MIA2: variants seen among roughly 807,000 people sequenced by gnomAD.
MIA2 encodes the protein MIA SH3 domain ER export factor 2, also known as melanoma inhibitory activity protein 2.
In MIA2, 127 loss-of-function variants were observed where a neutral mutation model predicts 167.8. The observed-to-expected ratio is 0.76, with a 90% CI of 0.66 to 0.88. The LOEUF (loss-of-function observed/expected upper bound fraction) is 0.88, where lower values mean the gene tolerates loss of function less well. Among genes scored for constraint, MIA2 ranks in the 40% least tolerant of loss-of-function variants. The probability of loss-of-function intolerance (pLI) is 0.00; values close to 1 mark genes in which losing one functional copy is unlikely to be tolerated. For synonymous variants in MIA2, 552 were observed against 541.9 expected (o/e 1.02, Z -0.26); for missense variants, 1,690 against 1,624.7 (o/e 1.04, Z -0.69).
At chr14:39,352,473 A>G (rs1038125977), downstream of MIA2, among the ~76,000 whole-genome samples, 3 of 152,010 alleles carry the variant, frequency 2.0e-5, no homozygotes, top group Non-Finnish European at 4.4e-5. Context: ...GAAAATCTCA[A>G]TTCCCCTTCT....
rs1417314260 is a variant in MIA2, at chr14:39,252,751, T to C, written c.1571T>C (p.Met524Thr). 1.3e-6 allele frequency: 2 copies of C among 1,599,890 alleles called. No individual in the cohort carries two copies. The highest frequency in any genetic ancestry group is 1.1e-5 in the South Asian group (1 of 89,326). Reference protein sequence around the residue: ...IFKSSYSLSDMVSNIELPTRI... With the variant: ...IFKSSYSLSDTVSNIELPTRI... ...ATTTCTTTTTATTTATTTGTAGATA[T>C]GGTCTCTAACATAGAGTTACCTACG... Residue 524 changes from methionine to threonine, a missense_variant, in exon 5 of 29, where the codon ATG becomes ACG. Transcript: ENST00000640607.
At chr14:39,306,412 G>A (rs911524107) in intron 17 of MIA2, among the ~76,000 whole-genome samples, 12 of 152,168 alleles carry the variant, frequency 7.9e-5, no homozygotes, top group African/African-American at 2.7e-4. Context: ...CATGGTGGGA[G>A]CAGGAGGAAG....
intron 14 of MIA2, among the ~76,000 whole-genome samples, chr14:39,301,051 C>G (rs7151856): frequency 4.0e-3 from 124 of 31,056 alleles, no homozygotes; most frequent in African/African-American, 7.0e-3. Context: ...CACACACACA[C>G]ACACACACAC....
intron 4 of MIA2, among the ~76,000 whole-genome samples, chr14:39,248,556 A>G (rs773647249): frequency 4.2e-4 from 63 of 151,638 alleles, no homozygotes; most frequent in Non-Finnish European, 8.0e-4. Flanking sequence ...TCTTTTTAGT[A>G]TTTAAGAGTT....
chr14:39,366,659 T>A (rs1287236257), intron 23 of MIA2, among the ~76,000 whole-genome samples: 1 of 152,204 alleles, frequency 6.6e-6, no homozygotes, highest in Non-Finnish European at 1.5e-5. Flanking sequence ...CTGTCCTCAG[T>A]CTGTCCTGTG....
chr14:39,239,690 C>T (rs565922323), intron 2 of MIA2, among the ~76,000 whole-genome samples: 10 of 152,250 alleles, frequency 6.6e-5, no homozygotes, highest in South Asian at 6.2e-4. Context: ...ATTTACTATA[C>T]GTGAAAATAA....
intron 9 of MIA2, among the ~76,000 whole-genome samples, chr14:39,279,965 A>G (rs985786261): frequency 6.6e-6 from 1 of 152,188 alleles, no homozygotes; most frequent in African/African-American, 2.4e-5. Flanking sequence ...GAGCTTCAAC[A>G]TGTGAATTTG....
At position 39,319,274 on chromosome 14, in the gene MIA2, A is replaced by G. The variant is rs1025750113; in HGVS notation, c.3350A>G (p.Asn1117Ser). The G allele has an allele frequency of 1.3e-6, 2 of 1,549,020 alleles. No individual in the cohort carries two copies. The highest frequency in any genetic ancestry group is 1.7e-6 in the Non-Finnish European group (2 of 1,145,892). Reference protein sequence around the residue: ...EKDPYALDVPNTAFGREHSPY... With the variant: ...EKDPYALDVPSTAFGREHSPY... Reference sequence around the variant, plus strand: ...GATCCTTATGCACTCGATGTTCCAAATACAGCATTTGGCAGAGGTAGTCTT... The same window carrying G: ...GATCCTTATGCACTCGATGTTCCAAGTACAGCATTTGGCAGAGGTAGTCTT... The change falls in exon 23 of 29, where the codon AAT becomes AGT. Residue 1117 changes from asparagine (N) to serine (S), a missense_variant. Asn to Ser is a conservative substitution (Grantham distance 46). Coordinates refer to ENST00000640607, the MANE Select transcript of MIA2 (RefSeq NM_001329214.4).
At position 39,312,805 on chromosome 14, in the gene MIA2, CTAT is replaced by C. The variant is rs892960100; in HGVS notation, c.3018-523_3018-521del. Among the ~76,000 whole-genome samples, 48 of 151,858 alleles carry C rather than the reference CTAT, an allele frequency of 3.2e-4. No individual in the cohort carries two copies. In the Middle Eastern group the frequency reaches 0.014, roughly 43 times the overall value. On this transcript the variant is annotated intron_variant, in intron 18 of 28. Coordinates refer to ENST00000640607, the MANE Select transcript of MIA2 (RefSeq NM_001329214.4). ...ACATACTAATGGCTCAATAAGTTAT[CTAT>C]TATTATTATTAATAGAATTAGATGT...
intron 17 of MIA2, among the ~76,000 whole-genome samples, chr14:39,308,097 T>C (rs1035931401): frequency 4.6e-5 from 7 of 152,288 alleles, no homozygotes; most frequent in Non-Finnish European, 8.8e-5. Flanking sequence ...TTATTTGTCA[T>C]ATTGTTATTT....
intron 6 of MIA2, chr14:39,267,542 G>A: frequency 1.2e-6 from 2 of 1,612,216 alleles, no homozygotes; most frequent in Non-Finnish European, 1.7e-6. Flanking sequence ...GGCGCGATGA[G>A]TGTTACGTGG....
chr14:39,343,291 T>C (rs1293109797), intron 25 of MIA2, among the ~76,000 whole-genome samples: 1 of 152,118 alleles, frequency 6.6e-6, no homozygotes, highest in Non-Finnish European at 1.5e-5. Context: ...ATCGCAGGCC[T>C]GTGCCACCAC....
intron 23 of MIA2, among the ~76,000 whole-genome samples, chr14:39,377,425 T>C (rs943293613): frequency 6.6e-6 from 1 of 151,892 alleles, no homozygotes; most frequent in African/African-American, 2.4e-5. Context: ...TTTTTAGTGA[T>C]TTCAAATCAG....
At chr14:39,258,368 G>C (rs2054916781) in intron 6 of MIA2, among the ~76,000 whole-genome samples, 1 of 152,046 alleles carries the variant, frequency 6.6e-6, no homozygotes, top group South Asian at 2.1e-4. Flanking sequence ...TCTTCCTCTT[G>C]ATTGATTTAG....
intron 23 of MIA2, among the ~76,000 whole-genome samples, chr14:39,368,642 C>T (rs1595951112): frequency 7.1e-6 from 1 of 141,728 alleles, no homozygotes; most frequent in African/African-American, 2.8e-5. Flanking sequence ...TTCTACTTTT[C>T]TTATATTTTT....
intron 23 of MIA2, among the ~76,000 whole-genome samples, chr14:39,361,452 T>C (rs11844934): frequency 7.0e-5 from 10 of 143,532 alleles, no homozygotes; most frequent in East Asian, 6.4e-4. Context: ...TTTTTTTTTT[T>C]CCTGAGACAG....
intron 25 of MIA2, 104 bp from the exon 26 acceptor site, chr14:39,345,800 A>T: frequency 2.3e-6 from 2 of 870,640 alleles, no homozygotes; most frequent in Non-Finnish European, 3.5e-6. Flanking sequence ...TGATGAGTTT[A>T]AGTGTTAGAA....
chr14:39,269,643 C>T (rs892824674), intron 6 of MIA2, among the ~76,000 whole-genome samples: 5 of 151,976 alleles, frequency 3.3e-5, no homozygotes, highest in Non-Finnish European at 7.4e-5. Flanking sequence ...CCTCAGCCTC[C>T]TGAATAGGTG....
intron 6 of MIA2, chr14:39,253,416 C>A (rs1021937905): frequency 3.7e-6 from 2 of 533,746 alleles, no homozygotes. Context: ...TTTTACTCCA[C>A]CCTCCCCATT....
Sources: gnomAD v4.1 joint callset for allele counts (sites outside exome capture counted in the v4.1 genomes callset) on GRCh38, gnomAD v4.1.1 for gene constraint, MANE v1.5 for transcripts, NCBI Gene and HGNC (gene_info 2026-07-23, HGNC 2026-07-21) for gene names.